LARGE1: variants seen among roughly 807,000 people sequenced by gnomAD.
LARGE1 encodes the protein LARGE xylosyl- and glucuronyltransferase 1.
A neutral mutation model predicts 87.6 loss-of-function variants in LARGE1; 43 were observed. The observed-to-expected ratio is 0.49, with a 90% CI of 0.38 to 0.63. The LOEUF is 0.63. Among genes scored for constraint, LARGE1 ranks in the 30% least tolerant of loss-of-function variants. LARGE1 has a pLI of 0.00. For missense variants in LARGE1, 802 were observed against 1,000.2 expected, an observed-to-expected ratio of 0.80 and a Z score of 2.67; for synonymous variants, 434 against 394.6, an observed-to-expected ratio of 1.10 and a Z score of -1.18.
intron 6 of LARGE1, among the ~76,000 whole-genome samples, chr22:33,459,527 T>A (rs1402993550): frequency 6.6e-6 from 1 of 151,330 alleles, no homozygotes; most frequent in African/African-American, 2.4e-5. Flanking sequence ...CTGAGAGTTA[T>A]CGCCTCTATA....
intron 1 of LARGE1, among the ~76,000 whole-genome samples, chr22:33,913,409 C>T (rs1185535206): frequency 6.6e-6 from 1 of 152,160 alleles, no homozygotes; most frequent in East Asian, 1.9e-4. Context: ...TGATGTAACT[C>T]CATGTGTTAG....
At chr22:33,162,931 A>G (rs976511661) in exon 12 of LARGE1, 6 of 152,226 alleles carry the variant, frequency 3.9e-5, no homozygotes, top group Non-Finnish European at 8.8e-5. Context: ...GGTGGATTAC[A>G]GTCCTCTGGG....
chr22:33,783,618 C>A (rs1410142364), intron 1 of LARGE1, among the ~76,000 whole-genome samples: 2 of 152,172 alleles, frequency 1.3e-5, no homozygotes, highest in Non-Finnish European at 2.9e-5. Flanking sequence ...GAGGTGTCTA[C>A]TAAAAGTACT....
At chr22:33,301,483 A>ATAT (rs1281575294) in intron 12 of LARGE1, among the ~76,000 whole-genome samples, 24 of 152,128 alleles carry the variant, frequency 1.6e-4, no homozygotes, top group Non-Finnish European at 3.2e-4. Context: ...TGCCAACATT[A>ATAT]AAAAAACATT....
chr22:33,083,275 T>C, the LARGE1 span, among the ~76,000 whole-genome samples: 2 of 152,202 alleles, frequency 1.3e-5, no homozygotes, highest in Admixed American at 1.3e-4. Context: ...CATAATTTTC[T>C]AGGTATGCAT....
chr22:33,073,801 C>T, the LARGE1 span, among the ~76,000 whole-genome samples: 5 of 152,188 alleles, frequency 3.3e-5, no homozygotes, highest in South Asian at 1.0e-3. Context: ...ATTTGGTAGC[C>T]GAGAACATAT....
At chr22:33,800,978 A>T (rs143524596) in intron 1 of LARGE1, among the ~76,000 whole-genome samples, 1 of 152,304 alleles carries the variant, frequency 6.6e-6, no homozygotes, top group Non-Finnish European at 1.5e-5. Flanking sequence ...ATCTCCCAGA[A>T]TTCCCATGTG....
At chr22:33,767,892 C>T (rs528366560) in intron 1 of LARGE1, among the ~76,000 whole-genome samples, 6 of 152,244 alleles carry the variant, frequency 3.9e-5, no homozygotes, top group Non-Finnish European at 7.3e-5. Flanking sequence ...CTGATTCTAA[C>T]TAGAAGATTG....
intron 13 of LARGE1, among the ~76,000 whole-genome samples, chr22:33,282,258 T>C (rs981439209): frequency 6.6e-6 from 1 of 152,182 alleles, no homozygotes; most frequent in African/African-American, 2.4e-5. Flanking sequence ...GGCAGGAGAA[T>C]TGCTTGAACC....
At chr22:33,461,771 C>T (rs887853251) in intron 6 of LARGE1, among the ~76,000 whole-genome samples, 1 of 151,990 alleles carries the variant, frequency 6.6e-6, no homozygotes, top group African/African-American at 2.4e-5. Flanking sequence ...TTATTGTTTA[C>T]TCTCTTTGGG....
intron 1 of LARGE1, among the ~76,000 whole-genome samples, chr22:33,791,975 A>G (rs2085838240): frequency 6.6e-6 from 1 of 152,220 alleles, no homozygotes. Context: ...CCCACAGGGT[A>G]GGCTTTTTTA....
intron 9 of LARGE1, among the ~76,000 whole-genome samples, chr22:33,345,443 T>C (rs1939638680): frequency 6.6e-6 from 1 of 152,208 alleles, no homozygotes; most frequent in African/African-American, 2.4e-5. Context: ...ATACTAAGGC[T>C]GCAGGATGAT....
intron 7 of LARGE1, among the ~76,000 whole-genome samples, chr22:33,423,602 C>T (rs1359832394): frequency 1.3e-5 from 2 of 151,344 alleles, no homozygotes; most frequent in African/African-American, 4.9e-5. Flanking sequence ...ATGGCTTGAA[C>T]CCCGGAGACG....
At chr22:33,812,408 C>T (rs2086523722) in intron 1 of LARGE1, among the ~76,000 whole-genome samples, 1 of 152,206 alleles carries the variant, frequency 6.6e-6, no homozygotes, top group Admixed American at 6.5e-5. Flanking sequence ...TCGTTACTTC[C>T]CCCAGACACA....
the LARGE1 span, among the ~76,000 whole-genome samples, chr22:33,083,262 T>C: frequency 6.6e-6 from 1 of 152,184 alleles, no homozygotes; most frequent in Non-Finnish European, 1.5e-5. Flanking sequence ...TATGCTAGGC[T>C]GCCATAATTT....
At chr22:33,665,910 A>T (rs2081255006) in intron 2 of LARGE1, among the ~76,000 whole-genome samples, 1 of 152,146 alleles carries the variant, frequency 6.6e-6, no homozygotes, top group African/African-American at 2.4e-5. Flanking sequence ...AGAAAAAAAA[A>T]AGCAGAAACA....
At chr22:33,731,803 T>C (rs62225406) in intron 2 of LARGE1, among the ~76,000 whole-genome samples, 2,668 of 152,328 alleles carry the variant, frequency 0.018, 40 homozygotes, top group South Asian at 0.046. Flanking sequence ...TGTACATTTA[T>C]CTGCAAACTC....
intron 5 of LARGE1, among the ~76,000 whole-genome samples, chr22:33,580,906 A>G (rs528237942): frequency 6.0e-4 from 91 of 152,306 alleles, no homozygotes; most frequent in African/African-American, 2.1e-3. Context: ...TAGTTAGATG[A>G]GTTTTTAGCC....
chr22:33,724,722 T>C (rs2083216437), intron 2 of LARGE1: 1 of 147,022 alleles, frequency 6.8e-6, no homozygotes, highest in Non-Finnish European at 1.5e-5. Flanking sequence ...TATTCATCCA[T>C]TCATTCATTC....
Sources: gnomAD v4.1 joint callset for allele counts (sites outside exome capture counted in the v4.1 genomes callset) on GRCh38, gnomAD v4.1.1 for gene constraint, MANE v1.5 for transcripts, NCBI Gene and HGNC (gene_info 2026-07-23, HGNC 2026-07-21) for gene names.